The following PLEKHA7 variants were observed in gnomAD, a reference collection of about 807,000 sequenced individuals.
The protein encoded by PLEKHA7 is pleckstrin homology domain-containing family A member 7.
PLEKHA7 carries 104 observed loss-of-function variants against 170.0 expected under a neutral mutation model. The observed-to-expected ratio is 0.61, with a 90% CI of 0.52 to 0.72. The LOEUF (loss-of-function observed/expected upper bound fraction) is 0.72. Ranked by LOEUF, PLEKHA7 falls within the 30% of genes least tolerant of loss-of-function variation. PLEKHA7 has a pLI of 0.00. For missense variants in PLEKHA7, 1,615 were observed against 1,671.7 expected (o/e 0.97, Z 0.59); for synonymous variants, 648 against 660.8 (o/e 0.98, Z 0.30).
chr11:16,915,943 C>T (rs1368515396), intron 3 of PLEKHA7, among the ~76,000 whole-genome samples: 1 of 150,266 alleles, frequency 6.7e-6, no homozygotes, highest in Non-Finnish European at 1.5e-5. Context: ...GCCACACTGA[C>T]TTCCACAATG....
At chr11:16,950,102 C>A (rs1310925669) in intron 3 of PLEKHA7, among the ~76,000 whole-genome samples, 1 of 149,310 alleles carries the variant, frequency 6.7e-6, no homozygotes, top group Admixed American at 6.7e-5. Context: ...GGGGGCGGAG[C>A]ACAGAGAAGG....
intron 3 of PLEKHA7, among the ~76,000 whole-genome samples, chr11:16,957,255 T>C (rs1330484007): frequency 1.3e-5 from 2 of 152,214 alleles, no homozygotes; most frequent in African/African-American, 4.8e-5. Context: ...CATTATTACT[T>C]ATGGCATTAA....
At chr11:16,878,856 T>C (rs982718156) in intron 3 of PLEKHA7, among the ~76,000 whole-genome samples, 3 of 152,176 alleles carry the variant, frequency 2.0e-5, no homozygotes, top group Non-Finnish European at 4.4e-5. Context: ...CAGAAGGCAG[T>C]TGGCTTCTAT....
intron 3 of PLEKHA7, among the ~76,000 whole-genome samples, chr11:17,007,844 G>A (rs1865101681): frequency 6.6e-6 from 1 of 152,156 alleles, no homozygotes. Context: ...AAAGTGCTGG[G>A]ATTACTGGGT....
Position 16,817,198 on chromosome 11 carries a change from T to C in PLEKHA7, c.1468A>G (p.Asn490Asp), listed in dbSNP as rs1259585846. 1.2e-5 allele frequency: 19 copies of C among 1,614,042 alleles called. No homozygotes were observed. Among genetic ancestry groups the C allele is most frequent in the Non-Finnish European group, 1.6e-5 (19 of 1,180,026 alleles). The stretch of plus-strand genomic sequence containing the variant: ...GCATACTTGTAGTCACTTGGCAGGT[T>C]TCGGGGAGGTGGCGAGGAGCCCCCC... Reference protein sequence around the residue: ...PSGGSSPPPRNLPSDYKYAQD... With the variant: ...PSGGSSPPPRDLPSDYKYAQD... The change falls in exon 11 of 27, where the codon AAC (asparagine) becomes GAC (aspartate). Residue 490 changes from asparagine to aspartate, a missense_variant. Transcript: ENST00000531066. This position sits in a 1 kb window ranked among gnomAD's most constrained non-coding sequence, Gnocchi z 4.4.
intron 3 of PLEKHA7, among the ~76,000 whole-genome samples, chr11:16,968,390 G>A (rs1210652260): frequency 1.3e-5 from 2 of 152,214 alleles, no homozygotes; most frequent in African/African-American, 4.8e-5. Flanking sequence ...TCATGGGCAA[G>A]CCAGCGCTGA....
chr11:16,853,976 A>G (rs1853207997), intron 6 of PLEKHA7, among the ~76,000 whole-genome samples: 1 of 152,250 alleles, frequency 6.6e-6, no homozygotes, highest in African/African-American at 2.4e-5. Flanking sequence ...ATGCTATGCT[A>G]GGTGAGAGAC....
intron 4 of PLEKHA7, among the ~76,000 whole-genome samples, chr11:16,868,540 C>T (rs11024064): frequency 1.1e-3 from 171 of 152,314 alleles, no homozygotes; most frequent in African/African-American, 4.1e-3. Context: ...TTGCTTGCTG[C>T]TGTACCTGTA....
At chr11:17,009,492 T>A (rs1865198862) in intron 3 of PLEKHA7, among the ~76,000 whole-genome samples, 1 of 152,142 alleles carries the variant, frequency 6.6e-6, no homozygotes. Context: ...CCAAAAAGAT[T>A]AGGCTGTTAT....
chr11:16,841,399 T>G (rs1294866134), intron 9 of PLEKHA7, 148 bp downstream of exon 9: 2 of 837,270 alleles, frequency 2.4e-6, no homozygotes, highest in Admixed American at 6.1e-5. Flanking sequence ...CAGGCCTTAG[T>G]GTTTTTGTTT....
At chr11:16,863,611 C>T (rs1184318378) in intron 4 of PLEKHA7, among the ~76,000 whole-genome samples, 6 of 152,196 alleles carry the variant, frequency 3.9e-5, no homozygotes, top group African/African-American at 9.7e-5. Context: ...CAGTCAAATG[C>T]TAGCGTCACT....
intron 24 of PLEKHA7, 98 bp from the exon 25 acceptor site, chr11:16,783,931 G>A: frequency 8.1e-7 from 1 of 1,228,624 alleles, no homozygotes; most frequent in Non-Finnish European, 1.0e-6. Context: ...TGGGAAGCAA[G>A]CAGAGTCCAC....
At chr11:16,816,156 T>C in intron 12 of PLEKHA7, 22 bp downstream of exon 12, 1 of 1,581,136 alleles carries the variant, frequency 6.3e-7, no homozygotes, top group South Asian at 1.1e-5. Flanking sequence ...CTTTGCAGGC[T>C]ATGTCTTGTC....
chr11:16,857,222 C>A (rs1318414677), intron 4 of PLEKHA7, among the ~76,000 whole-genome samples: 1 of 152,250 alleles, frequency 6.6e-6, no homozygotes, highest in East Asian at 1.9e-4. Flanking sequence ...GTGACTACTG[C>A]ACTTTCCAAG....
intron 3 of PLEKHA7, among the ~76,000 whole-genome samples, chr11:16,950,792 A>G (rs1272039904): frequency 6.6e-6 from 1 of 152,142 alleles, no homozygotes. Flanking sequence ...TTTTCCCCTC[A>G]TTCAGATACC....
intron 3 of PLEKHA7, among the ~76,000 whole-genome samples, chr11:16,949,359 T>C (rs531677579): frequency 1.3e-5 from 2 of 152,322 alleles, no homozygotes; most frequent in African/African-American, 4.8e-5. Flanking sequence ...ATTTATAATG[T>C]TGGTTTATTG....
intron 23 of PLEKHA7, chr11:16,787,094 A>G (rs1742718036): frequency 1.0e-6 from 1 of 985,364 alleles, no homozygotes; most frequent in African/African-American, 1.7e-5. Context: ...AAGCTTCCCA[A>G]GAGGGAAAAT....
intron 3 of PLEKHA7, among the ~76,000 whole-genome samples, chr11:16,972,944 T>C (rs115906398): frequency 2.2e-3 from 339 of 152,340 alleles, no homozygotes; most frequent in African/African-American, 7.4e-3. Flanking sequence ...AGAAAATCCA[T>C]TGGCCTAGAT....
intron 3 of PLEKHA7, among the ~76,000 whole-genome samples, chr11:16,991,037 G>A (rs1327288135): frequency 6.6e-6 from 1 of 152,152 alleles, no homozygotes; most frequent in Non-Finnish European, 1.5e-5. Flanking sequence ...TCCCCAGAAG[G>A]GGTGACTGGA....
Sources: gnomAD v4.1 joint callset for allele counts (sites outside exome capture counted in the v4.1 genomes callset) on GRCh38, gnomAD v4.1.1 for gene constraint, Gnocchi (gnomAD v3.1) non-coding constraint, MANE v1.5 for transcripts, NCBI Gene and HGNC (gene_info 2026-07-23, HGNC 2026-07-21) for gene names.